The following PCDH15 variants were observed in gnomAD, a reference collection of about 807,000 sequenced individuals.
The protein encoded by PCDH15 is protocadherin related 15.
A neutral mutation model predicts 178.5 loss-of-function variants in PCDH15; 129 were observed. The ratio of observed to expected loss-of-function variants is 0.72; its 90% CI spans 0.63 to 0.84. The LOEUF is 0.84. Among genes scored for constraint, PCDH15 ranks in the 40% least tolerant of loss-of-function variants. The pLI, the probability that PCDH15 is intolerant of heterozygous loss-of-function variation, is 0.00. For synonymous variants in PCDH15, 800 were observed against 732.0 expected, an observed-to-expected ratio of 1.09 and a Z score of -1.50; for missense variants, 2,230 against 2,099.9, an observed-to-expected ratio of 1.06 and a Z score of -1.21.
At chr10:55,307,245 G>A (rs1343898698) in intron 1 of PCDH15, among the ~76,000 whole-genome samples, 1 of 151,992 alleles carries the variant, frequency 6.6e-6, no homozygotes, top group Non-Finnish European at 1.5e-5. Context: ...GCTCACGTCT[G>A]TAATCCCAGC....
intron 2 of PCDH15, among the ~76,000 whole-genome samples, chr10:55,425,201 T>C (rs1838722873): frequency 6.6e-6 from 1 of 151,872 alleles, no homozygotes; most frequent in South Asian, 2.1e-4. Context: ...AATACTTAAT[T>C]ATAATTTATT....
intron 1 of PCDH15, among the ~76,000 whole-genome samples, chr10:54,787,669 A>C (rs1175708141): frequency 6.6e-6 from 1 of 151,916 alleles, no homozygotes; most frequent in Admixed American, 6.6e-5. Context: ...TCAGGAAATC[A>C]GAGATTTTCA....
At chr10:55,405,276 G>C (rs1468123607) in intron 2 of PCDH15, among the ~76,000 whole-genome samples, 1 of 72,866 alleles carries the variant, frequency 1.4e-5, no homozygotes, top group Non-Finnish European at 3.1e-5. Flanking sequence ...TGTAGTGTGA[G>C]GTAACAGATA....
At chr10:54,637,416 C>G (rs1342674484) in intron 2 of PCDH15, among the ~76,000 whole-genome samples, 1 of 151,946 alleles carries the variant, frequency 6.6e-6, no homozygotes, top group Non-Finnish European at 1.5e-5. Context: ...TTCTGTAGGT[C>G]AAAAGGAAAA....
rs545454626 is a variant in PCDH15, at chr10:54,392,462, C to T, written c.158-13520G>A. On this transcript the variant is annotated intron_variant, in intron 3 of 37. Transcript: ENST00000644397. ...GCCTGGCTTGGGTGACAGAGTGAGGCTGTCTCAAAAAAAAAAAAAAAAAAA... is the reference window on the plus strand; with the variant it reads ...GCCTGGCTTGGGTGACAGAGTGAGGTTGTCTCAAAAAAAAAAAAAAAAAAA... 5.2e-3 allele frequency among the ~76,000 whole-genome samples: 363 copies of T among 70,316 alleles called. 3 individuals are homozygous for T. Among genetic ancestry groups the T allele is most frequent in the African/African-American group, 0.018 (350 of 19,214 alleles). The allele number at this position is 70,316 out of a possible 152,430, so 46.1% of individuals were successfully genotyped here. A position where few individuals can be genotyped will look rare whatever the true frequency, so the allele number is the denominator to read the frequency against.
chr10:54,133,122 GA>G, intron 14 of PCDH15, 115 bp from the exon 15 acceptor site: 1 of 1,257,142 alleles, frequency 8.0e-7, no homozygotes, highest in South Asian at 1.3e-5. Flanking sequence ...CAAATTTTAT[GA>G]AAAATAATAC....
intron 2 of PCDH15, among the ~76,000 whole-genome samples, chr10:54,572,425 T>G (rs2089961125): frequency 6.6e-6 from 1 of 152,262 alleles, no homozygotes; most frequent in Admixed American, 6.5e-5. Flanking sequence ...AATCCTAATT[T>G]TCACAAAGTA....
chr10:55,582,231 G>A (rs1842629412), intron 2 of PCDH15, among the ~76,000 whole-genome samples: 1 of 152,094 alleles, frequency 6.6e-6, no homozygotes, highest in African/African-American at 2.4e-5. Flanking sequence ...CTGCTGAGAA[G>A]CTCATCCAGT....
Position 53,830,284 on chromosome 10 carries a change from A to G in PCDH15, c.4202+1031T>C, listed in dbSNP as rs558650073. On this transcript the variant is annotated intron_variant, in intron 30 of 37. Coordinates refer to ENST00000644397, the MANE Select transcript of PCDH15 (RefSeq NM_001384140.1). ...ACCACTGCACTCCAGCCTGGGCGAC[A>G]GAGCCAGACTCCGTCTCCAGGAAAA... Among the ~76,000 whole-genome samples the G allele has an allele frequency of 4.0e-5, 6 of 150,536 alleles. No individual in the cohort carries two copies. In the South Asian group the frequency reaches 1.3e-3, roughly 32 times the overall value.
intron 3 of PCDH15, among the ~76,000 whole-genome samples, chr10:54,453,442 G>T (rs2076609544): frequency 1.3e-5 from 2 of 151,936 alleles, no homozygotes; most frequent in South Asian, 4.1e-4. Context: ...CTCATAGGTG[G>T]GAATTGAACA....
At chr10:54,883,199 A>G (rs552362458) in intron 3 of PCDH15, among the ~76,000 whole-genome samples, 20 of 152,176 alleles carry the variant, frequency 1.3e-4, no homozygotes, top group African/African-American at 4.6e-4. Context: ...CTTATATTCA[A>G]AAACTAAACT....
At chr10:55,430,668 T>C (rs1565131140) in intron 2 of PCDH15, among the ~76,000 whole-genome samples, 1 of 152,092 alleles carries the variant, frequency 6.6e-6, no homozygotes, top group Non-Finnish European at 1.5e-5. Flanking sequence ...AAAAGATTAC[T>C]AAATAAAATA....
chr10:54,364,883 G>A (rs940436636), intron 5 of PCDH15, among the ~76,000 whole-genome samples: 5 of 151,996 alleles, frequency 3.3e-5, no homozygotes, highest in African/African-American at 1.2e-4. Context: ...GGTAGCTGTC[G>A]ACTGGGGTTC....
intron 2 of PCDH15, among the ~76,000 whole-genome samples, chr10:54,602,318 A>AAAT (rs1237179653): frequency 6.6e-6 from 1 of 151,944 alleles, no homozygotes; most frequent in Admixed American, 6.6e-5. Context: ...TAGCCTCTAC[A>AAAT]AATGCCACTT....
chr10:54,331,647 T>C (rs1276882618), intron 6 of PCDH15, among the ~76,000 whole-genome samples: 1 of 152,008 alleles, frequency 6.6e-6, no homozygotes, highest in Non-Finnish European at 1.5e-5. Context: ...CTTATCCTAA[T>C]GTGTTGTTAT....
At chr10:55,073,788 G>A (rs986367096) in intron 2 of PCDH15, among the ~76,000 whole-genome samples, 1 of 151,840 alleles carries the variant, frequency 6.6e-6, no homozygotes, top group Non-Finnish European at 1.5e-5. Context: ...GGCTTTTTTG[G>A]GGGGGAGAAT....
intron 2 of PCDH15, among the ~76,000 whole-genome samples, chr10:55,056,820 A>C (rs1180061566): frequency 6.6e-6 from 1 of 151,480 alleles, no homozygotes; most frequent in Non-Finnish European, 1.5e-5. Flanking sequence ...TTTAATAGGA[A>C]CAAGAGTTTC....
intron 1 of PCDH15, among the ~76,000 whole-genome samples, chr10:55,283,104 T>C (rs1842773822): frequency 6.6e-6 from 1 of 152,166 alleles, no homozygotes; most frequent in Non-Finnish European, 1.5e-5. Flanking sequence ...GGCTGTAAGT[T>C]TCCAAACCTC....
chr10:54,234,590 G>A (rs12261438), intron 9 of PCDH15, among the ~76,000 whole-genome samples: 8,314 of 152,120 alleles, frequency 0.055, 564 homozygotes, highest in African/African-American at 0.17. Context: ...TCAGGTAAAG[G>A]GGGGCTAAAT....
Sources: gnomAD v4.1 joint callset for allele counts (sites outside exome capture counted in the v4.1 genomes callset) on GRCh38, gnomAD v4.1.1 for gene constraint, MANE v1.5 for transcripts, NCBI Gene and HGNC (gene_info 2026-07-23, HGNC 2026-07-21) for gene names.